Variants in C1orf21 observed in about 807,000 individuals in gnomAD.
C1orf21 encodes chromosome 1 open reading frame 21.
C1orf21 carries 3 observed loss-of-function variants against 18.7 expected under a neutral mutation model. The observed-to-expected ratio is 0.16, with a 90% CI of 0.07 to 0.42. The LOEUF (loss-of-function observed/expected upper bound fraction) is 0.42, where lower values mean the gene tolerates loss of function less well. Ranked by LOEUF, C1orf21 falls within the 10% of genes least tolerant of loss-of-function variation. The probability of loss-of-function intolerance (pLI) is 0.99; values close to 1 mark genes in which losing one functional copy is unlikely to be tolerated. For missense variants in C1orf21, 104 were observed against 143.6 expected, an observed-to-expected ratio of 0.72 and a Z score of 1.41; for synonymous variants, 41 against 46.4, an observed-to-expected ratio of 0.88 and a Z score of 0.47.
chr1:184,506,501 A>C (rs988222439), intron 2 of C1orf21, among the ~76,000 whole-genome samples: 2 of 152,178 alleles, frequency 1.3e-5, no homozygotes, highest in Non-Finnish European at 2.9e-5. Context: ...AACTTTCTGA[A>C]CTGAAATATA....
intron 5 of C1orf21, among the ~76,000 whole-genome samples, chr1:184,608,398 A>G (rs1023116059): frequency 2.5e-4 from 38 of 152,206 alleles, no homozygotes; most frequent in Non-Finnish European, 4.0e-4. Context: ...GAAAACCTTC[A>G]GGAAGTGCTA....
At chr1:184,474,272 A>G (rs1187500434) in intron 1 of C1orf21, among the ~76,000 whole-genome samples, 2 of 152,206 alleles carry the variant, frequency 1.3e-5, no homozygotes, top group Non-Finnish European at 2.9e-5. Flanking sequence ...ATATTGAGCT[A>G]TAGTGCTTTA....
At chr1:184,483,649 C>A (rs1657689025) in intron 2 of C1orf21, among the ~76,000 whole-genome samples, 1 of 152,174 alleles carries the variant, frequency 6.6e-6, no homozygotes, top group East Asian at 1.9e-4. Flanking sequence ...AGCCCATCAC[C>A]CCAAGAACTG....
At chr1:184,434,466 G>A (rs1243950423) in intron 1 of C1orf21, among the ~76,000 whole-genome samples, 1 of 152,196 alleles carries the variant, frequency 6.6e-6, no homozygotes, top group East Asian at 1.9e-4. Context: ...AATAGCATTC[G>A]ACGAAAGAGG....
At chr1:184,497,356 G>A (rs1657908255) in intron 2 of C1orf21, among the ~76,000 whole-genome samples, 1 of 152,184 alleles carries the variant, frequency 6.6e-6, no homozygotes. Context: ...AAAATAAGTT[G>A]GTGATTCGTA....
At chr1:184,540,297 A>G (rs1394335597) in intron 3 of C1orf21, among the ~76,000 whole-genome samples, 1 of 152,222 alleles carries the variant, frequency 6.6e-6, no homozygotes, top group Non-Finnish European at 1.5e-5. Flanking sequence ...TTTTAAGTAA[A>G]TGTATATTCA....
At chr1:184,582,094 A>G (rs1340380786) in intron 3 of C1orf21, among the ~76,000 whole-genome samples, 3 of 152,184 alleles carry the variant, frequency 2.0e-5, no homozygotes. Flanking sequence ...TGAAATTCTG[A>G]GAGTCAAGGT....
chr1:184,611,002 A>G (rs1438632142), intron 5 of C1orf21, among the ~76,000 whole-genome samples: 1 of 152,134 alleles, frequency 6.6e-6, no homozygotes, highest in East Asian at 1.9e-4. Flanking sequence ...GATTGTTGTC[A>G]CTGCTGTTAT....
chr1:184,400,970 A>C (rs1656141584), intron 1 of C1orf21, among the ~76,000 whole-genome samples: 1 of 152,182 alleles, frequency 6.6e-6, no homozygotes, highest in African/African-American at 2.4e-5. Context: ...CACTAACAAA[A>C]TATGAGACTG....
At chr1:184,456,231 C>CT (rs1381064586) in intron 1 of C1orf21, among the ~76,000 whole-genome samples, 7 of 152,186 alleles carry the variant, frequency 4.6e-5, no homozygotes, top group African/African-American at 1.7e-4. Flanking sequence ...GACCCCATCC[C>CT]TTTGGAGTCT....
At chr1:184,515,369 A>C (rs941608229) in intron 3 of C1orf21, among the ~76,000 whole-genome samples, 1 of 152,220 alleles carries the variant, frequency 6.6e-6, no homozygotes, top group South Asian at 2.1e-4. Flanking sequence ...TGCAAGTAGA[A>C]TTATGACATT....
At chr1:184,602,256 C>T (rs1386331933) in intron 5 of C1orf21, among the ~76,000 whole-genome samples, 1 of 152,144 alleles carries the variant, frequency 6.6e-6, no homozygotes, top group East Asian at 1.9e-4. Context: ...GACTTGGTAC[C>T]ATTTCACATG....
intron 3 of C1orf21, among the ~76,000 whole-genome samples, chr1:184,569,161 T>C (rs530969214): frequency 1.3e-5 from 2 of 152,232 alleles, no homozygotes; most frequent in Non-Finnish European, 2.9e-5. Context: ...TTTCTTTTGC[T>C]TTTCTTCACA....
intron 5 of C1orf21, among the ~76,000 whole-genome samples, chr1:184,610,446 A>T (rs887096371): frequency 4.6e-5 from 7 of 152,198 alleles, no homozygotes; most frequent in Non-Finnish European, 8.8e-5. Flanking sequence ...CGTCTGCATT[A>T]TCTCTCCATG....
chr1:184,592,948 C>G (rs1558010244), intron 4 of C1orf21, among the ~76,000 whole-genome samples: 1 of 152,188 alleles, frequency 6.6e-6, no homozygotes, highest in Non-Finnish European at 1.5e-5. Context: ...TTTTCACCCT[C>G]AGGTGAATGT....
chr1:184,581,181 C>G (rs1337877060), intron 3 of C1orf21, among the ~76,000 whole-genome samples: 1 of 152,204 alleles, frequency 6.6e-6, no homozygotes, highest in African/African-American at 2.4e-5. Context: ...AATCCCAGCA[C>G]TTTTTGAGGC....
At chr1:184,536,260 C>T (rs1658551624) in intron 3 of C1orf21, among the ~76,000 whole-genome samples, 2 of 152,140 alleles carry the variant, frequency 1.3e-5, no homozygotes, top group South Asian at 2.1e-4. Flanking sequence ...ACAATGTTGG[C>T]GTACACACTC....
chr1:184,492,929 G>A (rs187629917), intron 2 of C1orf21, among the ~76,000 whole-genome samples: 121 of 152,298 alleles, frequency 7.9e-4, no homozygotes, highest in Admixed American at 3.1e-3. Context: ...TTTCTCAAGA[G>A]CTACTGTACT....
intron 2 of C1orf21, among the ~76,000 whole-genome samples, chr1:184,482,064 C>A (rs1186189725): frequency 6.6e-6 from 1 of 152,184 alleles, no homozygotes; most frequent in African/African-American, 2.4e-5. Flanking sequence ...TTTCTGTGGT[C>A]TCTTATTGTG....
Sources: allele counts gnomAD v4.1 joint callset (sites outside exome capture counted in the v4.1 genomes callset), GRCh38; gene constraint gnomAD v4.1.1; transcripts MANE v1.5; gene names NCBI Gene and HGNC (gene_info 2026-07-23, HGNC 2026-07-21).